PPP1R12B: variants seen among roughly 807,000 people sequenced by gnomAD.
PPP1R12B encodes protein phosphatase 1 regulatory subunit 12B, also known as myosin phosphatase target subunit 2.
A neutral mutation model predicts 126.1 loss-of-function variants in PPP1R12B; 76 were observed. The observed-to-expected ratio is 0.60, with a 90% CI of 0.50 to 0.73. PPP1R12B has a LOEUF of 0.73. Among genes scored for constraint, PPP1R12B ranks in the 30% least tolerant of loss-of-function variants. The pLI is 0.00. For missense variants in PPP1R12B, 1,052 were observed against 1,205.1 expected (o/e 0.87, Z 1.88); for synonymous variants, 356 against 434.7 (o/e 0.82, Z 2.25).
intron 1 of PPP1R12B, among the ~76,000 whole-genome samples, chr1:202,362,510 G>T (rs530805977): frequency 3.3e-4 from 50 of 152,144 alleles, no homozygotes; most frequent in Non-Finnish European, 6.3e-4. Flanking sequence ...TTGACTGCTA[G>T]AACTCTAAGT....
chr1:202,362,510 GA>G (rs1335616470), intron 1 of PPP1R12B, among the ~76,000 whole-genome samples: 3 of 152,144 alleles, frequency 2.0e-5, no homozygotes, highest in African/African-American at 7.2e-5. Context: ...TTGACTGCTA[GA>G]ACTCTAAGTG....
intron 18 of PPP1R12B, among the ~76,000 whole-genome samples, chr1:202,547,292 CT>C (rs1224591743): frequency 1.3e-5 from 2 of 152,148 alleles, no homozygotes; most frequent in African/African-American, 4.8e-5. Context: ...TCAAAGTTGC[CT>C]TTCATCAGCT....
chr1:202,479,540 A>C (rs1364526066), intron 13 of PPP1R12B, among the ~76,000 whole-genome samples: 1 of 152,196 alleles, frequency 6.6e-6, no homozygotes. Flanking sequence ...CATGGGACTC[A>C]GGGAATGATT....
intron 1 of PPP1R12B, among the ~76,000 whole-genome samples, chr1:202,379,186 C>G (rs1287528616): frequency 1.3e-5 from 2 of 152,168 alleles, no homozygotes; most frequent in Non-Finnish European, 2.9e-5. Flanking sequence ...ATTTCCAGAG[C>G]AAAATTGTTC....
intron 13 of PPP1R12B, among the ~76,000 whole-genome samples, chr1:202,457,953 AAG>A (rs1455810585): frequency 6.6e-6 from 1 of 152,268 alleles, no homozygotes; most frequent in African/African-American, 2.4e-5. Context: ...AAAAAAAAAA[AAG>A]TATTCTGTGG....
intron 14 of PPP1R12B, 23 bp from the exon 15 acceptor site, chr1:202,493,091 C>T: frequency 6.2e-7 from 1 of 1,605,120 alleles, no homozygotes; most frequent in Non-Finnish European, 8.5e-7. Context: ...TGAAACAGCC[C>T]TGATCTTGTG....
intron 10 of PPP1R12B, chr1:202,439,340 T>G: frequency 7.1e-7 from 1 of 1,401,620 alleles, no homozygotes; most frequent in Non-Finnish European, 1.0e-6. Context: ...AGCTGGAACC[T>G]TCCAACAAGA....
chr1:202,416,712 G>A, intron 1 of PPP1R12B, 75 bp from the exon 2 acceptor site: 2 of 1,355,226 alleles, frequency 1.5e-6, no homozygotes, highest in Non-Finnish European at 2.1e-6. Context: ...CATTGTCAGT[G>A]CCCAGAGCAG....
At chr1:202,393,739 G>A (rs1664490440) in intron 1 of PPP1R12B, among the ~76,000 whole-genome samples, 1 of 152,150 alleles carries the variant, frequency 6.6e-6, no homozygotes, top group Admixed American at 6.6e-5. Context: ...TTCACAGTAT[G>A]GAAATCTTTT....
intron 18 of PPP1R12B, among the ~76,000 whole-genome samples, chr1:202,543,825 G>A (rs980455489): frequency 1.3e-5 from 2 of 152,144 alleles, no homozygotes; most frequent in Non-Finnish European, 2.9e-5. Flanking sequence ...CGCTCCTACC[G>A]ACAGTAAGAA....
At chr1:202,450,427 C>T (rs934510619) in intron 13 of PPP1R12B, among the ~76,000 whole-genome samples, 3 of 152,158 alleles carry the variant, frequency 2.0e-5, no homozygotes, top group African/African-American at 7.2e-5. Context: ...TTTTCTCCTA[C>T]TTGAGGAAGT....
chr1:202,490,926 T>C (rs1020914482), intron 14 of PPP1R12B, among the ~76,000 whole-genome samples: 2 of 152,226 alleles, frequency 1.3e-5, no homozygotes, highest in Non-Finnish European at 2.9e-5. Flanking sequence ...AGAATGGCTA[T>C]ACAAATATCT....
chr1:202,414,861 C>A (rs1667858733), intron 1 of PPP1R12B, among the ~76,000 whole-genome samples: 1 of 152,180 alleles, frequency 6.6e-6, no homozygotes, highest in Non-Finnish European at 1.5e-5. Flanking sequence ...CAGCTCACTG[C>A]AGCCTCGACC....
chr1:202,393,112 A>T (rs1558169624), intron 1 of PPP1R12B, among the ~76,000 whole-genome samples: 1 of 151,632 alleles, frequency 6.6e-6, no homozygotes, highest in Non-Finnish European at 1.5e-5. Context: ...AGCCTGGCCA[A>T]TTTTTTTGTA....
At chr1:202,461,451 A>G (rs1192843308) in intron 13 of PPP1R12B, among the ~76,000 whole-genome samples, 1 of 152,168 alleles carries the variant, frequency 6.6e-6, no homozygotes, top group Non-Finnish European at 1.5e-5. Flanking sequence ...ATTTAGAGAT[A>G]TATATGACAA....
intron 1 of PPP1R12B, among the ~76,000 whole-genome samples, chr1:202,372,501 CA>C (rs1223978648): frequency 4.4e-4 from 64 of 144,766 alleles, no homozygotes; most frequent in African/African-American, 7.3e-4. Flanking sequence ...GACCCTGTCT[CA>C]AAAAAAAAAA....
At chr1:202,500,048 T>C (rs1680029288) in intron 18 of PPP1R12B, among the ~76,000 whole-genome samples, 1 of 152,254 alleles carries the variant, frequency 6.6e-6, no homozygotes, top group African/African-American at 2.4e-5. Flanking sequence ...GTAGCCATTA[T>C]GGAAAACAGT....
chr1:202,348,768 T>C lies in PPP1R12B; in HGVS notation c.-84T>C, dbSNP rs1655374304. 6.7e-6 allele frequency: 10 copies of C among 1,488,078 alleles called. No homozygotes were observed. The highest frequency in any genetic ancestry group is 8.9e-6 in the Non-Finnish European group (10 of 1,117,646). The allele number at this position is 1,488,078 out of a possible 1,614,324, so 92.2% of individuals were successfully genotyped here. ...CGCCCTCTGCTCCGGGCTGAAGCGCTCTGAGAGAGGCGGCAGCGGCAACTC... is the reference window on the plus strand; with the variant it reads ...CGCCCTCTGCTCCGGGCTGAAGCGCCCTGAGAGAGGCGGCAGCGGCAACTC... On this transcript the variant is annotated 5_prime_UTR_variant, in exon 1 of 24. Coordinates refer to ENST00000608999, the MANE Select transcript of PPP1R12B (RefSeq NM_002481.4).
At chr1:202,549,497 G>A (rs1315173320) in intron 18 of PPP1R12B, among the ~76,000 whole-genome samples, 5 of 147,978 alleles carry the variant, frequency 3.4e-5, no homozygotes, top group South Asian at 2.1e-4. Flanking sequence ...TCTGCTCACC[G>A]CAAGCTCTGC....
Sources: gnomAD v4.1 joint callset for allele counts (sites outside exome capture counted in the v4.1 genomes callset) on GRCh38, gnomAD v4.1.1 for gene constraint, MANE v1.5 for transcripts, NCBI Gene and HGNC (gene_info 2026-07-23, HGNC 2026-07-21) for gene names.